Variants in COL9A1 observed in about 807,000 individuals in gnomAD.
The protein encoded by COL9A1 is collagen type IX alpha 1 chain, also known as collagen alpha-1(IX) chain.
In COL9A1, 104 loss-of-function variants were observed where a neutral mutation model predicts 142.6. The observed-to-expected ratio is 0.73, with a 90% CI of 0.62 to 0.86. The LOEUF (loss-of-function observed/expected upper bound fraction) is 0.86, where lower values mean the gene tolerates loss of function less well. Ranked by LOEUF, COL9A1 falls within the 40% of genes least tolerant of loss-of-function variation. COL9A1 has a pLI of 0.00. For synonymous variants in COL9A1, 466 were observed against 396.0 expected, an observed-to-expected ratio of 1.18 and a Z score of -2.10; for missense variants, 1,210 against 1,176.6, an observed-to-expected ratio of 1.03 and a Z score of -0.42.
intron 5 of COL9A1, 69 bp from the exon 6 acceptor site, chr6:70,283,889 A>C: frequency 9.3e-7 from 1 of 1,072,280 alleles, no homozygotes; most frequent in Non-Finnish European, 1.4e-6. Flanking sequence ...CAAGAGAGAG[A>C]TGAGTTGCGT....
chr6:70,262,388 C>A (rs1048441927), intron 19 of COL9A1, among the ~76,000 whole-genome samples: 1 of 152,186 alleles, frequency 6.6e-6, no homozygotes, highest in Non-Finnish European at 1.5e-5. Context: ...ATTTCCCTTA[C>A]ACTTTAAATT....
chr6:70,294,241 G>C lies in COL9A1; in HGVS notation c.622C>G (p.Pro208Ala). 1 of 1,614,064 alleles carries C rather than the reference G, an allele frequency of 6.2e-7. No individual in the cohort carries two copies. ...CCATCAATGTCAATTGGGCCTCTTG[G>C]CTTTATAGGTAAAGATTCAATCCTG... ...CNRIESLPIKPRGPIDIDGFA... is the reference protein window; with the variant it reads ...CNRIESLPIKARGPIDIDGFA... The change falls in exon 5 of 38, where the codon CCA becomes GCA. Residue 208 changes from proline to alanine, a missense_variant. Physicochemically the swap from Pro to Ala is conservative, Grantham distance 27. Coordinates refer to ENST00000357250, the MANE Select transcript of COL9A1 (RefSeq NM_001851.6).
In COL9A1 at chr6:70,283,723, G is replaced by A. The variant is rs917108673; in HGVS notation, c.780+14C>T. The A allele has an allele frequency of 6.2e-7, 1 of 1,604,822 alleles. No individual in the cohort carries two copies. Among genetic ancestry groups the A allele is most frequent in the Non-Finnish European group, 8.5e-7 (1 of 1,174,336 alleles). ...TGGGTAGAAGTGGCCTTTGCAGGTA[G>A]TCAGGGGACTCACCGTTATTCTGGC... On this transcript the variant is annotated intron_variant, in intron 6 of 37. Transcript: ENST00000357250.
chr6:70,286,166 G>A (rs1017087612), intron 5 of COL9A1, among the ~76,000 whole-genome samples: 2 of 152,102 alleles, frequency 1.3e-5, no homozygotes, highest in African/African-American at 4.8e-5. Flanking sequence ...GGATTATAAG[G>A]TGTGAGCCAC....
intron 9 of COL9A1, 56 bp downstream of exon 9, chr6:70,280,947 GC>G: frequency 6.2e-7 from 1 of 1,612,434 alleles, no homozygotes. Context: ...GAAACAGGGG[GC>G]TGCAAAACAC....
chr6:70,276,128 C>T (rs1772744458), intron 10 of COL9A1, among the ~76,000 whole-genome samples: 2 of 152,118 alleles, frequency 1.3e-5, no homozygotes, highest in Non-Finnish European at 2.9e-5. Flanking sequence ...TTTTGACAGA[C>T]TGCCTTTGAT....
At chr6:70,223,326 T>C (rs1244820235) in intron 37 of COL9A1, among the ~76,000 whole-genome samples, 1 of 152,246 alleles carries the variant, frequency 6.6e-6, no homozygotes, top group Non-Finnish European at 1.5e-5. Flanking sequence ...GCAATTTACA[T>C]GGATTGAGTT....
intron 2 of COL9A1, 57 bp from the exon 3 acceptor site, chr6:70,300,443 AT>A (rs891927693): frequency 3.0e-6 from 2 of 661,978 alleles, no homozygotes; most frequent in African/African-American, 1.9e-5. Flanking sequence ...AAGTATAATA[AT>A]AATAAAATAA....
At chr6:70,270,673 A>G (rs1350160609) in intron 14 of COL9A1, among the ~76,000 whole-genome samples, 1 of 152,206 alleles carries the variant, frequency 6.6e-6, no homozygotes, top group Non-Finnish European at 1.5e-5. Context: ...TGGAAACACT[A>G]CTTATTTTTC....
At chr6:70,299,891 CT>C in intron 4 of COL9A1, 151 bp downstream of exon 4, 1 of 728,914 alleles carries the variant, frequency 1.4e-6, no homozygotes, top group Non-Finnish European at 2.3e-6. Context: ...TATTAAGGTA[CT>C]GAAGATAGGC....
chr6:70,253,475 A>C (rs1467626477), intron 25 of COL9A1, 46 bp from the exon 26 acceptor site: 2 of 1,370,774 alleles, frequency 1.5e-6, no homozygotes, highest in Non-Finnish European at 2.1e-6. Flanking sequence ...CTCCTCTGAG[A>C]ATCCATGAGA....
chr6:70,277,503 A>G (rs1481502832), intron 10 of COL9A1, among the ~76,000 whole-genome samples: 2 of 152,230 alleles, frequency 1.3e-5, no homozygotes, highest in Non-Finnish European at 2.9e-5. Flanking sequence ...ACCAGAGCAG[A>G]AAAAAGTGCC....
chr6:70,274,846 T>C, intron 10 of COL9A1, 74 bp from the exon 11 acceptor site: 1 of 1,209,876 alleles, frequency 8.3e-7, no homozygotes, highest in Admixed American at 1.7e-5. Context: ...AAACTTTCAT[T>C]TTATTTATTA....
chr6:70,225,848 T>C (rs1379780735), intron 37 of COL9A1, 84 bp downstream of exon 37: 7 of 1,026,292 alleles, frequency 6.8e-6, no homozygotes, highest in Non-Finnish European at 1.1e-5. Context: ...CAAATAACAA[T>C]TATTTTAAAA....
intron 11 of COL9A1, among the ~76,000 whole-genome samples, chr6:70,274,366 C>T (rs1772611668): frequency 6.6e-6 from 1 of 152,118 alleles, no homozygotes; most frequent in East Asian, 1.9e-4. Context: ...TCCTCCCACC[C>T]CCTATTTTCT....
intron 13 of COL9A1, 141 bp downstream of exon 13, chr6:70,271,924 C>A: frequency 1.1e-6 from 1 of 951,764 alleles, no homozygotes; most frequent in Non-Finnish European, 1.6e-6. Context: ...AGGGTGTTAT[C>A]CTTAGTAGCC....
At chr6:70,258,018 G>T (rs1473598637) in intron 20 of COL9A1, among the ~76,000 whole-genome samples, 1 of 152,182 alleles carries the variant, frequency 6.6e-6, no homozygotes, top group Admixed American at 6.5e-5. Context: ...AGTCTACCAA[G>T]TGATGACATA....
chr6:70,259,191 A>G (rs1479811130), intron 20 of COL9A1, among the ~76,000 whole-genome samples: 1 of 152,196 alleles, frequency 6.6e-6, no homozygotes, highest in African/African-American at 2.4e-5. Flanking sequence ...TTCATTCACC[A>G]AGCTGTGCAT....
intron 4 of COL9A1, among the ~76,000 whole-genome samples, chr6:70,295,281 CTTTTTTTTTTTT>C (rs1171549562): frequency 3.2e-5 from 2 of 63,130 alleles, no homozygotes; most frequent in Admixed American, 2.5e-4. Flanking sequence ...GTTGTTGCTT[CTTTTTTTTTTTT>C]TTTTTTTTTT....
Sources: allele counts gnomAD v4.1 joint callset (sites outside exome capture counted in the v4.1 genomes callset), GRCh38; gene constraint gnomAD v4.1.1; transcripts MANE v1.5; gene names NCBI Gene and HGNC (gene_info 2026-07-23, HGNC 2026-07-21).